The following SV2B variants were observed in gnomAD, a reference collection of about 807,000 sequenced individuals.
SV2B encodes synaptic vesicle glycoprotein 2B, also known as solute carrier family 22 member B2.
In SV2B, 41 loss-of-function variants were observed where a neutral mutation model predicts 73.9. That is an observed-to-expected ratio of 0.56 (90% CI 0.43 to 0.72). The LOEUF (loss-of-function observed/expected upper bound fraction) is 0.72, where lower values mean the gene tolerates loss of function less well. SV2B is among the 30% of genes least tolerant of loss of function. The pLI, the probability that SV2B is intolerant of heterozygous loss-of-function variation, is 0.00. For missense variants in SV2B, 764 were observed against 857.8 expected (o/e 0.89, Z 1.37); for synonymous variants, 314 against 314.2 (o/e 1.00, Z 0.01).
At chr15:91,260,143 G>A (rs1415729938) in intron 5 of SV2B, among the ~76,000 whole-genome samples, 177 bp from the exon 6 acceptor site, 2 of 152,160 alleles carry the variant, frequency 1.3e-5, no homozygotes, top group Non-Finnish European at 2.9e-5. Context: ...GGGGATGGAA[G>A]CTTGTCCTGG....
At position 91,221,693 on chromosome 15, in the gene SV2B, G is replaced by GCGCGCGCGCGCGCA. The variant is rs370290337; in HGVS notation, c.-391-4179_-391-4178insGCGCGCGCGCGCAC. ...CTGTGGACTATTACCAAGCATGTGC[G>GCGCGCGCGCGCGCA]CACACACACACACACACACACACAC... is the stretch of plus-strand genomic sequence containing the variant. On this transcript the variant is annotated intron_variant, in intron 1 of 12. Transcript: ENST00000394232. Among the ~76,000 whole-genome samples, 257 of 140,158 alleles carry GCGCGCGCGCGCGCA rather than the reference G, an allele frequency of 1.8e-3. 2 individuals are homozygous for GCGCGCGCGCGCGCA. Among genetic ancestry groups the GCGCGCGCGCGCGCA allele is most frequent in the African/African-American group, 6.9e-3 (248 of 35,816 alleles). The allele number at this position is 140,158 out of a possible 152,430, so 91.9% of individuals were successfully genotyped here.
Position 91,252,377 on chromosome 15 carries a change from G to C in SV2B, c.641G>C (p.Gly214Ala). Residue 214 changes from glycine (G) to alanine (A), a missense_variant, in exon 4 of 13, where the codon GGT becomes GCT. Coordinates refer to ENST00000394232, the MANE Select transcript of SV2B (RefSeq NM_001323032.3). This position sits in a 1 kb window ranked among gnomAD's most constrained non-coding sequence, Gnocchi z 4.6. ...GCATTTTTCCTTTGCAGTATTGGGG[G>C]TGCTCTACCGATTGTTTTTGCCTAT... ...CRLISGIGIG[G>A]ALPIVFAYFS... The C allele has an allele frequency of 6.2e-7, 1 of 1,611,156 alleles. No individual in the cohort carries two copies. Among genetic ancestry groups the C allele is most frequent in the Non-Finnish European group, 8.5e-7 (1 of 1,178,664 alleles).
intron 1 of SV2B, among the ~76,000 whole-genome samples, chr15:91,185,021 G>T (rs954707640): frequency 2.6e-5 from 4 of 152,162 alleles, no homozygotes; most frequent in African/African-American, 4.8e-5. Context: ...TTCTGTCACC[G>T]GAACTTTCTT....
intron 1 of SV2B, among the ~76,000 whole-genome samples, chr15:91,150,169 A>G (rs551406753): frequency 2.3e-4 from 35 of 151,884 alleles, no homozygotes; most frequent in African/African-American, 7.5e-4. Context: ...CGCCCAGCCA[A>G]TTTTTTGTAT....
intron 1 of SV2B, among the ~76,000 whole-genome samples, chr15:91,134,905 C>T (rs2042771693): frequency 6.6e-6 from 1 of 152,078 alleles, no homozygotes; most frequent in Non-Finnish European, 1.5e-5. Context: ...ACCATTCGTT[C>T]TAATGCAGAG....
intron 1 of SV2B, among the ~76,000 whole-genome samples, chr15:91,104,839 T>A (rs1319750012): frequency 6.6e-6 from 1 of 151,800 alleles, no homozygotes. Context: ...TCCATGTTGG[T>A]CAGGCTGGTC....
In SV2B at chr15:91,288,974, T is replaced by A. The variant is rs2048953370; in HGVS notation, c.1709-547T>A. 6.6e-6 allele frequency among the ~76,000 whole-genome samples: 1 copy of A among 152,188 alleles called. No homozygotes were observed. The highest frequency in any genetic ancestry group is 1.5e-5 in the Non-Finnish European group (1 of 68,030). On this transcript the variant is annotated intron_variant, in intron 11 of 12. Transcript: ENST00000394232. This position sits in a 1 kb window ranked among gnomAD's most constrained non-coding sequence, Gnocchi z 5.8. ...ATTATAGGCCAGAATTCCTTTCTTT[T>A]TAATGTCTGAGTAGTATCCCATTGT... is the stretch of plus-strand genomic sequence containing the variant.
chr15:91,173,798 G>A (rs1319904230), intron 1 of SV2B, among the ~76,000 whole-genome samples: 1 of 152,214 alleles, frequency 6.6e-6, no homozygotes, highest in African/African-American at 2.4e-5. Flanking sequence ...ATCAGCTGGA[G>A]AAAATGTTGG....
In SV2B at chr15:91,253,052, A is replaced by G. The variant is rs1206287249; in HGVS notation, c.784+532A>G. Among the ~76,000 whole-genome samples the G allele has an allele frequency of 2.0e-5, 3 of 152,144 alleles. No homozygotes were observed. The highest frequency in any genetic ancestry group is 7.2e-5 in the African/African-American group (3 of 41,410). ...TCTTGTTTGGCCGTGACAGTGCAGG[A>G]GCCCTTATAGACAAGGTCATGGTTT... On this transcript the variant is annotated intron_variant, in intron 4 of 12. Transcript: ENST00000394232. This position sits in a 1 kb window ranked among gnomAD's most constrained non-coding sequence, Gnocchi z 5.0.
chr15:91,187,672 T>TA (rs1193550315), intron 1 of SV2B, among the ~76,000 whole-genome samples: 6,113 of 147,864 alleles, frequency 0.041, 405 homozygotes, highest in African/African-American at 0.14. Flanking sequence ...TTTTTTTTTT[T>TA]AAATTGTGGC....
chr15:91,163,162 A>G (rs1170408433), intron 1 of SV2B, among the ~76,000 whole-genome samples: 1 of 152,138 alleles, frequency 6.6e-6, no homozygotes, highest in East Asian at 1.9e-4. Flanking sequence ...CCATTCTATC[A>G]TTGATGGACA....
chr15:91,185,148 T>G lies in SV2B; in HGVS notation c.-391-40725T>G, dbSNP rs2044722924. ...GTGCAGTGGTGCAATCATGGCTCAC[T>G]GCAGCCTTGACCTCCCTGGGCTCAG... On this transcript the variant is annotated intron_variant, in intron 1 of 12. Transcript: ENST00000394232. Among the ~76,000 whole-genome samples the G allele has an allele frequency of 2.6e-5, 4 of 152,238 alleles. No individual in the cohort carries two copies. The South Asian group carries it at 8.3e-4, about 32-fold the overall frequency.
At position 91,164,821 on chromosome 15, in the gene SV2B, A is replaced by G. The variant is rs114626588; in HGVS notation, c.-391-61052A>G. On this transcript the variant is annotated intron_variant, in intron 1 of 12. Coordinates refer to ENST00000394232, the MANE Select transcript of SV2B (RefSeq NM_001323032.3). ...CTGACATTAATATGTATGGGGCTGG[A>G]CAGTGGAGAGCCATGCAAGACCATT... 4.5e-3 allele frequency among the ~76,000 whole-genome samples: 686 copies of G among 152,348 alleles called. 5 individuals are homozygous for G. The highest frequency in any genetic ancestry group is 0.017 in the Middle Eastern group (5 of 294).
chr15:91,226,348 G>C lies in SV2B; in HGVS notation c.85G>C (p.Glu29Gln), dbSNP rs200028214. ...YYRGNESNPE[E>Q]DAQSDVTEGH... ...CCGCGGCAATGAGTCCAACCCAGAA[G>C]AAGATGCACAGAGTGATGTCACCGA... is the stretch of plus-strand genomic sequence containing the variant. The change falls in exon 2 of 13, where the codon GAA becomes CAA. Residue 29 changes from glutamate (E) to glutamine (Q), a missense_variant. Glu to Gln is a conservative substitution (Grantham distance 29, BLOSUM62 2). Coordinates refer to ENST00000394232, the MANE Select transcript of SV2B (RefSeq NM_001323032.3). 37 of 1,614,150 alleles carry C rather than the reference G, an allele frequency of 2.3e-5. No individual in the cohort carries two copies. The highest frequency in any genetic ancestry group is 4.0e-5 in the African/African-American group (3 of 75,036).
In SV2B at chr15:91,267,476, C is replaced by G. The variant is rs1040272547; in HGVS notation, c.1120-79C>G. ...GTTCCTAGGCAACTTATTAGAATAT[C>G]TGAGTAATGAGCTCTTCGTGGGAGA... is the stretch of plus-strand genomic sequence containing the variant. On this transcript the variant is annotated intron_variant, in intron 7 of 12. Coordinates refer to ENST00000394232, the MANE Select transcript of SV2B (RefSeq NM_001323032.3). This position sits in a 1 kb window ranked among gnomAD's most constrained non-coding sequence, Gnocchi z 4.3. 1.1e-5 allele frequency: 14 copies of G among 1,268,516 alleles called. No homozygotes were observed. Among genetic ancestry groups the G allele is most frequent in the Admixed American group, 3.8e-5 (2 of 51,964 alleles). 78.6% of individuals were successfully genotyped at this position (1,268,516 alleles called of 1,614,324 possible).
rs199982197 is a variant in SV2B at position 91,243,689 on chromosome 15, A to G, written c.452-8130A>G. On this transcript the variant is annotated intron_variant, in intron 2 of 12. Transcript: ENST00000394232. ...GGTTATCCATCTCCTGCGATGATAA[A>G]GTCTCTAGGTTGCCAGGCAAAGTCT... Among the ~76,000 whole-genome samples, 69 of 152,260 alleles carry G rather than the reference A, an allele frequency of 4.5e-4. No individual in the cohort carries two copies. The East Asian group carries it at 0.013, about 28-fold the overall frequency.
chr15:91,237,006 T>C (rs186379109), intron 2 of SV2B, among the ~76,000 whole-genome samples: 24 of 152,146 alleles, frequency 1.6e-4, no homozygotes, highest in Admixed American at 1.2e-3. Flanking sequence ...CAGAAGCCTT[T>C]TGTGACTTTG....
At chr15:91,172,032 G>C (rs969687729) in intron 1 of SV2B, among the ~76,000 whole-genome samples, 1 of 152,006 alleles carries the variant, frequency 6.6e-6, no homozygotes, top group African/African-American at 2.4e-5. Flanking sequence ...TTGTGGTGGG[G>C]GTTAAGTGTA....
At position 91,139,977 on chromosome 15, in the gene SV2B, G is replaced by C. The variant is rs746167564; in HGVS notation, c.-392+39614G>C. ...CATTTGGAAATTGGGCTCATGCTCT[G>C]GGTCAATGATTCTCAAAGTGTGGTC... On this transcript the variant is annotated intron_variant, in intron 1 of 12. Coordinates refer to ENST00000394232, the MANE Select transcript of SV2B (RefSeq NM_001323032.3). This position sits in a 1 kb window ranked among gnomAD's most constrained non-coding sequence, Gnocchi z 5.2. Among the ~76,000 whole-genome samples the C allele has an allele frequency of 1.3e-5, 2 of 152,180 alleles. No individual in the cohort carries two copies. The highest frequency in any genetic ancestry group is 2.9e-5 in the Non-Finnish European group (2 of 68,036).
Sources: allele counts gnomAD v4.1 joint callset (sites outside exome capture counted in the v4.1 genomes callset), GRCh38; gene constraint gnomAD v4.1.1; non-coding constraint Gnocchi (gnomAD v3.1); transcripts MANE v1.5; gene names NCBI Gene and HGNC (gene_info 2026-07-23, HGNC 2026-07-21).